The following BEST1 variants were observed in gnomAD, a reference collection of about 807,000 sequenced individuals.
BEST1 encodes the protein bestrophin 1, also known as bestrophin-1.
Under a neutral mutation model 63.3 loss-of-function variants are expected in BEST1, and 58 were observed. The ratio of observed to expected loss-of-function variants is 0.92; its 90% CI spans 0.74 to 1.14. The LOEUF (loss-of-function observed/expected upper bound fraction) is 1.14. BEST1 is among the 50% of genes most tolerant of loss of function. The pLI is 0.00. For synonymous variants in BEST1, 283 were observed against 291.6 expected (o/e 0.97, Z 0.30); for missense variants, 671 against 740.1 (o/e 0.91, Z 1.08).
At chr11:61,963,350 G>A in intron 10 of BEST1, 2 of 1,289,330 alleles carry the variant, frequency 1.6e-6, no homozygotes. Context: ...ACAGGAAAGG[G>A]TGGCAGGAAC....
intron 9 of BEST1, chr11:61,960,333 A>C (rs1369105451): frequency 1.9e-6 from 1 of 523,228 alleles, no homozygotes; most frequent in African/African-American, 1.9e-5. Flanking sequence ...TCAGTGATGC[A>C]GTGGAACGTT....
Position 61,955,119 on chromosome 11 carries a change from G to A in BEST1, c.165G>A (p.Thr55=), listed in dbSNP as rs62637050. 38 of 1,511,384 alleles carry A rather than the reference G, an allele frequency of 2.5e-5. 1 individual carries two copies. The highest frequency in any genetic ancestry group is 3.1e-5 in the Non-Finnish European group (34 of 1,085,680). The allele number at this position is 1,511,384 out of a possible 1,614,324, so 93.6% of individuals were successfully genotyped here. A position where few individuals can be genotyped will look rare whatever the true frequency, so the allele number is the denominator to read the frequency against. ...CCCCCACCCCCAGGCTGGCCCTCAC[G>A]GAAGAACAACAGCTGATGTTTGAGA... ...IIRFIYRLAL[T]EEQQLMFEKL... Residue 55 remains threonine, a synonymous_variant, in exon 3 of 11, where the codon ACG becomes ACA. Coordinates refer to ENST00000378043, the MANE Select transcript of BEST1 (RefSeq NM_004183.4).
chr11:61,957,306 G>A (rs1340851536), intron 5 of BEST1, 81 bp from the exon 6 acceptor site: 3 of 1,313,838 alleles, frequency 2.3e-6, no homozygotes, highest in South Asian at 1.2e-5. Flanking sequence ...CCAGGCCCTG[G>A]TACCTGGAGA....
chr11:61,951,151 G>A (rs1320549885), intron 1 of BEST1, among the ~76,000 whole-genome samples: 2 of 152,198 alleles, frequency 1.3e-5, no homozygotes, highest in African/African-American at 4.8e-5. Flanking sequence ...CAGAGGACCT[G>A]AGCTTAGTGT....
intron 6 of BEST1, 69 bp from the exon 7 acceptor site, chr11:61,958,077 C>A: frequency 8.7e-6 from 14 of 1,610,014 alleles, no homozygotes; most frequent in Non-Finnish European, 1.1e-5. Context: ...AGACTCCCAG[C>A]CCCTGGAGCA....
chr11:61,958,066 C>T (rs919103750), intron 6 of BEST1, 80 bp from the exon 7 acceptor site: 156 of 1,607,742 alleles, frequency 9.7e-5, no homozygotes, highest in Non-Finnish European at 1.1e-4. Context: ...TCTCCTGTCT[C>T]AGACTCCCAG....
chr11:61,965,352 T>C, downstream of BEST1: 2 of 1,603,294 alleles, frequency 1.2e-6, no homozygotes, highest in Non-Finnish European at 1.7e-6. Context: ...ATGACACCCC[T>C]AGGATCTTTT....
rs956742346 is a variant in BEST1, at chr11:61,955,339, G to A, written c.247+138G>A. ...GCCAGCGGCAGGTCGGCGCCTCTCT[G>A]TAGGGAAAGGTGCGGACTGCAGCCA... On this transcript the variant is annotated intron_variant, in intron 3 of 10. Transcript: ENST00000378043. 539 of 1,531,736 alleles carry A rather than the reference G, an allele frequency of 3.5e-4. 3 individuals carry two copies. The highest frequency in any genetic ancestry group is 8.9e-4 in the South Asian group (73 of 82,228). The allele number at this position is 1,531,736 out of a possible 1,614,324, so 94.9% of individuals were successfully genotyped here.
At chr11:61,965,127 G>A, downstream of BEST1, 7 of 1,603,078 alleles carry the variant, frequency 4.4e-6, no homozygotes, top group Non-Finnish European at 5.9e-6. Context: ...ATGAGAATAG[G>A]TTAATGCATC....
rs1416931205 is a variant in BEST1, at chr11:61,962,701, T to C, written c.1547T>C (p.Leu516Pro). The C allele has an allele frequency of 6.2e-7, 1 of 1,614,184 alleles. No individual in the cohort carries two copies. The highest frequency in any genetic ancestry group is 1.1e-5 in the South Asian group (1 of 91,082). The change falls in exon 10 of 11, where the codon CTC becomes CCC. Residue 516 changes from leucine (L) to proline (P), a missense_variant. By Grantham distance (98) the Leu-to-Pro change is moderately conservative. Transcript: ENST00000378043. ...GGGGCCAAGAAAAGTTTTGAATTGC[T>C]CTCAGAGAGCGATGGGGCCTTGATG... is the stretch of plus-strand genomic sequence containing the variant. ...SSGAKKSFEL[L>P]SESDGALMEH...
intron 10 of BEST1, chr11:61,963,536 C>G: frequency 9.7e-7 from 1 of 1,029,874 alleles, no homozygotes; most frequent in African/African-American, 1.7e-5. Flanking sequence ...CACTTTCACC[C>G]AATTATAAAC....
At chr11:61,958,034 G>A in intron 6 of BEST1, 112 bp from the exon 7 acceptor site, 3 of 1,554,734 alleles carry the variant, frequency 1.9e-6, no homozygotes. Flanking sequence ...ACATAAGTGT[G>A]CAAGTCAGAA....
At chr11:61,954,836 A>G in intron 2 of BEST1, 3 of 985,464 alleles carry the variant, frequency 3.0e-6, no homozygotes, top group Non-Finnish European at 3.6e-6. Flanking sequence ...CCTCTGCAGC[A>G]GGACCTTCCT....
chr11:61,959,718 C>T (rs1349550548), intron 8 of BEST1, 140 bp downstream of exon 8: 2 of 1,300,136 alleles, frequency 1.5e-6, no homozygotes, highest in Admixed American at 2.0e-5. Context: ...GTCATTCACT[C>T]ACAGGATTCT....
intron 10 of BEST1, 98 bp from the exon 11 acceptor site, chr11:61,964,006 A>G (rs1942348027): frequency 1.6e-5 from 25 of 1,537,090 alleles, no homozygotes; most frequent in Non-Finnish European, 1.9e-5. Context: ...AAAAAAAAAA[A>G]GGATCGTCTC....
chr11:61,951,986 G>T (rs200543078), intron 2 of BEST1, 28 bp downstream of exon 2: 1 of 1,611,488 alleles, frequency 6.2e-7, no homozygotes, highest in Non-Finnish European at 8.5e-7. Context: ...GGGCCGGGGG[G>T]CCTGGGAAGG....
At chr11:61,957,710 C>T (rs1357412837) in intron 6 of BEST1, among the ~76,000 whole-genome samples, 10 of 152,190 alleles carry the variant, frequency 6.6e-5, no homozygotes, top group Admixed American at 6.5e-5. Context: ...GGTGCAGTGG[C>T]TCATGCCTGT....
In BEST1 at chr11:61,956,861, G is replaced by A. The variant is rs1941424099; in HGVS notation, c.499G>A (p.Glu167Lys). Residue 167 changes from glutamate to lysine, a missense_variant, in exon 5 of 11, where the codon GAA (glutamate) becomes AAA (lysine). Physicochemically the swap from Glu to Lys is moderately conservative, Grantham distance 56. Coordinates refer to ENST00000378043, the MANE Select transcript of BEST1 (RefSeq NM_004183.4). ...CTCTGCAGGCTTTATGACTCCGGCA[G>A]AACACAAGCAGTTGGAGAAACTGAG... is the stretch of plus-strand genomic sequence containing the variant. ...LVQAGFMTPAEHKQLEKLSLP... is the reference protein window; with the variant it reads ...LVQAGFMTPAKHKQLEKLSLP... The A allele has an allele frequency of 6.2e-7, 1 of 1,614,038 alleles. No individual in the cohort carries two copies. Among genetic ancestry groups the A allele is most frequent in the Admixed American group, 1.7e-5 (1 of 60,004 alleles).
intron 7 of BEST1, 38 bp downstream of exon 7, chr11:61,958,336 G>A (rs1941627881): frequency 6.2e-7 from 1 of 1,614,006 alleles, no homozygotes; most frequent in Non-Finnish European, 8.5e-7. Context: ...TGGAGGCATG[G>A]CCAGAGGGGT....
Sources: allele counts gnomAD v4.1 joint callset (sites outside exome capture counted in the v4.1 genomes callset), GRCh38; gene constraint gnomAD v4.1.1; transcripts MANE v1.5; gene names NCBI Gene and HGNC (gene_info 2026-07-23, HGNC 2026-07-21).